The following ASPG variants were observed in gnomAD, a reference collection of about 807,000 sequenced individuals.
ASPG encodes the protein asparaginase.
A neutral mutation model predicts 63.2 loss-of-function variants in ASPG; 53 were observed. The ratio of observed to expected loss-of-function variants is 0.84; its 90% confidence interval spans 0.67 to 1.05. The LOEUF is 1.05. Among genes scored for constraint, ASPG ranks in the 50% least tolerant of loss-of-function variants. ASPG has a pLI of 0.00. For synonymous variants in ASPG, 370 were observed against 355.0 expected, an observed-to-expected ratio of 1.04 and a Z score of -0.48; for missense variants, 741 against 794.4, an observed-to-expected ratio of 0.93 and a Z score of 0.81.
intron 1 of ASPG, among the ~76,000 whole-genome samples, chr14:104,088,104 G>T (rs551714106): frequency 6.6e-6 from 1 of 152,196 alleles, no homozygotes; most frequent in Middle Eastern, 3.2e-3. Context: ...CCAACCCCTC[G>T]TGAGGTTGGA....
Position 104,110,508 on chromosome 14 carries a change from G to A in ASPG, c.1521-994G>A. The A allele has an allele frequency of 1.0e-6, 1 of 985,274 alleles. No individual in the cohort carries two copies. Among genetic ancestry groups the A allele is most frequent in the Non-Finnish European group, 1.2e-6 (1 of 829,844 alleles). 61.0% of individuals were successfully genotyped at this position (985,274 alleles called of 1,614,324 possible). A position where few individuals can be genotyped will look rare whatever the true frequency, so the allele number is the denominator to read the frequency against. On this transcript the variant is annotated intron_variant, in intron 13 of 15. Coordinates refer to ENST00000551177, the MANE Select transcript of ASPG (RefSeq NM_001080464.3). This position sits in a 1 kb window ranked among gnomAD's most constrained non-coding sequence, Gnocchi z 4.7. The stretch of plus-strand genomic sequence containing the variant: ...TGGTCCAGGACTCTGCTTGGAAGTG[G>A]CCTGGCCAGCCTGAGCTGCTGGCTG...
At position 104,114,285 on chromosome 14, in the gene ASPG, C is replaced by G. The variant is rs563321584; in HGVS notation, c.*1741C>G. ...AAACGCCCACTCATCCTGCTTGTCC[C>G]GCAGAGAGCATTTGTCAAGCTGGCC... On this transcript the variant is annotated 3_prime_UTR_variant, in exon 16 of 16. Transcript: ENST00000551177. 6.6e-6 allele frequency: 1 copy of G among 152,294 alleles called. No homozygotes were observed. Among genetic ancestry groups the G allele is most frequent in the Non-Finnish European group, 1.5e-5 (1 of 68,096 alleles). The allele number at this position is 152,294 out of a possible 1,614,324, so 9.4% of individuals were successfully genotyped here. A position where few individuals can be genotyped will look rare whatever the true frequency, so the allele number is the denominator to read the frequency against.
At chr14:104,106,678 GC>G (rs1451541102) in intron 10 of ASPG, 120 bp from the exon 11 acceptor site, 34 of 884,218 alleles carry the variant, frequency 3.8e-5, no homozygotes, top group Non-Finnish European at 5.9e-5. Flanking sequence ...TCTCACCCAC[GC>G]CCTGGGATCT....
intron 6 of ASPG, among the ~76,000 whole-genome samples, chr14:104,101,188 C>T (rs1744293): frequency 0.86 from 130,921 of 152,204 alleles, 56,607 homozygotes; most frequent in South Asian, 0.91. Context: ...TGCCGGGCTG[C>T]CGGGCCGGTT....
Position 104,098,069 on chromosome 14 carries a change from GGTTTTGC to G in ASPG, c.513+436_513+442del, listed in dbSNP as rs1193917250. On this transcript the variant is annotated intron_variant, in intron 5 of 15. Coordinates refer to ENST00000551177, the MANE Select transcript of ASPG (RefSeq NM_001080464.3). The stretch of plus-strand genomic sequence containing the variant: ...GTTTTGCGTTAGAGATGCGTATGGA[GGTTTTGC>G]GTTAGAGATGCGTATGGAGGTTCTG... Among the ~76,000 whole-genome samples the G allele has an allele frequency of 1.0e-3, 94 of 92,044 alleles. 12 individuals carry two copies. Among genetic ancestry groups the G allele is most frequent in the African/African-American group, 1.3e-3 (35 of 27,302 alleles). 60.4% of individuals were successfully genotyped at this position (92,044 alleles called of 152,430 possible).
In ASPG at chr14:104,111,574, C is replaced by T. The variant is rs993034487; in HGVS notation, c.1593C>T (p.Gly531=). 1.3e-6 allele frequency: 2 copies of T among 1,551,106 alleles called. No individual in the cohort carries two copies. The highest frequency in any genetic ancestry group is 2.7e-5 in the African/African-American group (2 of 73,058). ...CAGGGGCTGACCTGGGGCAGCCGGG[C>T]TATGACGGGCACAGCGCCCTGCACG... ...WQAGADLGQP[G]YDGHSALHVA... is the part of the protein sequence containing the mutation. Residue 531 remains glycine (G), a synonymous_variant, in exon 14 of 16, where the codon GGC becomes GGT. Transcript: ENST00000551177.
At chr14:104,088,163 C>G (rs769430427) in intron 1 of ASPG, among the ~76,000 whole-genome samples, 39 of 152,202 alleles carry the variant, frequency 2.6e-4, no homozygotes, top group Non-Finnish European at 4.3e-4. Flanking sequence ...ACACTGCTGA[C>G]GTGGGCTCTG....
chr14:104,094,964 C>A (rs1355933689), intron 3 of ASPG, among the ~76,000 whole-genome samples: 1 of 152,174 alleles, frequency 6.6e-6, no homozygotes, highest in South Asian at 2.1e-4. Flanking sequence ...CCCTGGCAGC[C>A]GCAGCCTGGG....
chr14:104,110,875 G>C lies in ASPG; in HGVS notation c.1521-627G>C. Reference sequence around the variant, plus strand: ...GAGGGTGGCAGGGTGAGGAGGAGCTGGTGAGGGCCTGGCAGGTGCTCCCCA... The same window carrying C: ...GAGGGTGGCAGGGTGAGGAGGAGCTCGTGAGGGCCTGGCAGGTGCTCCCCA... On this transcript the variant is annotated intron_variant, in intron 13 of 15. Transcript: ENST00000551177. This position sits in a 1 kb window ranked among gnomAD's most constrained non-coding sequence, Gnocchi z 4.7. 1.0e-6 allele frequency: 1 copy of C among 985,384 alleles called. No homozygotes were observed. The highest frequency in any genetic ancestry group is 1.2e-6 in the Non-Finnish European group (1 of 829,908). 61.0% of individuals were successfully genotyped at this position (985,384 alleles called of 1,614,324 possible).
chr14:104,106,884 T>G lies in ASPG; in HGVS notation c.1259T>G (p.Leu420Arg). 6.3e-7 allele frequency: 1 copy of G among 1,579,332 alleles called. No homozygotes were observed. The change falls in exon 11 of 16, where the codon CTT (leucine) becomes CGT (arginine). Residue 420 changes from leucine (L) to arginine (R), a missense_variant. Transcript: ENST00000551177. ...HAGDVEALQALVELGSDLGLV... is the reference protein window; with the variant it reads ...HAGDVEALQARVELGSDLGLV... ...GGTGACGTGGAGGCGCTGCAGGCGC[T>G]TGTGGAGCTGGTGAGCCTCCCCCAC...
chr14:104,110,998 T>C lies in ASPG; in HGVS notation c.1521-504T>C. On this transcript the variant is annotated intron_variant, in intron 13 of 15. Transcript: ENST00000551177. This position sits in a 1 kb window ranked among gnomAD's most constrained non-coding sequence, Gnocchi z 4.7. ...AACCGTTATCCTGGGTTGCCTCCTG[T>C]GTCCCCCTCTCTGAACCACTGGGCT... is the stretch of plus-strand genomic sequence containing the variant. 2 of 985,446 alleles carry C rather than the reference T, an allele frequency of 2.0e-6. No individual in the cohort carries two copies. The highest frequency in any genetic ancestry group is 2.4e-6 in the Non-Finnish European group (2 of 829,924). The allele number at this position is 985,446 out of a possible 1,614,324, so 61.0% of individuals were successfully genotyped here. A position where few individuals can be genotyped will look rare whatever the true frequency, so the allele number is the denominator to read the frequency against.
intron 13 of ASPG, chr14:104,111,230 C>A: frequency 1.0e-6 from 1 of 956,484 alleles, no homozygotes; most frequent in Non-Finnish European, 1.2e-6. Context: ...TACATGTATG[C>A]TGCTGTGTAT....
At position 104,102,439 on chromosome 14, in the gene ASPG, G is replaced by A. The variant is rs549332784; in HGVS notation, c.641-1124G>A. Among the ~76,000 whole-genome samples the A allele has an allele frequency of 3.3e-5, 5 of 152,266 alleles. No homozygotes were observed. In the South Asian group the frequency reaches 1.0e-3, roughly 32 times the overall value. ...AAGAGCCCTGTGCGGGGGTCCTCCT[G>A]CCCAGGTTCCTGTCCCAGCACCGTG... On this transcript the variant is annotated intron_variant, in intron 6 of 15. Transcript: ENST00000551177.
At chr14:104,094,952 T>G (rs1413615998) in intron 3 of ASPG, among the ~76,000 whole-genome samples, 1 of 152,126 alleles carries the variant, frequency 6.6e-6, no homozygotes, top group Non-Finnish European at 1.5e-5. Flanking sequence ...CTCGGAACGG[T>G]GCCCTGGCAG....
chr14:104,097,172 C>T (rs953314370), intron 4 of ASPG, among the ~76,000 whole-genome samples: 2 of 152,178 alleles, frequency 1.3e-5, no homozygotes, highest in African/African-American at 2.4e-5. Flanking sequence ...CCGGCTGGCC[C>T]CTGCTGCCAG....
Position 104,110,782 on chromosome 14 carries a change from G to A in ASPG, c.1521-720G>A, listed in dbSNP as rs559250281. Reference sequence around the variant, plus strand: ...CCCCTGCACACCATGGGTGGGTGGAGCCTTCCCTGCCGGGTCCCCACCTGG... The same window carrying A: ...CCCCTGCACACCATGGGTGGGTGGAACCTTCCCTGCCGGGTCCCCACCTGG... On this transcript the variant is annotated intron_variant, in intron 13 of 15. Coordinates refer to ENST00000551177, the MANE Select transcript of ASPG (RefSeq NM_001080464.3). The surrounding 1 kb of genome is among the most constrained non-coding windows in gnomAD (Gnocchi z 4.7). 1 of 985,294 alleles carries A rather than the reference G, an allele frequency of 1.0e-6. No individual in the cohort carries two copies. Among genetic ancestry groups the A allele is most frequent in the East Asian group, 1.1e-4 (1 of 8,806 alleles). 61.0% of individuals were successfully genotyped at this position (985,294 alleles called of 1,614,324 possible).
At chr14:104,099,726 C>T (rs1222373305) in intron 6 of ASPG, among the ~76,000 whole-genome samples, 1 of 152,222 alleles carries the variant, frequency 6.6e-6, no homozygotes, top group Non-Finnish European at 1.5e-5. Flanking sequence ...GGAGCATCCC[C>T]TCCCTCCTGG....
chr14:104,102,564 C>CT (rs945758631), intron 6 of ASPG, among the ~76,000 whole-genome samples: 6 of 152,324 alleles, frequency 3.9e-5, no homozygotes, highest in African/African-American at 1.4e-4. Flanking sequence ...CTGGGCAGCT[C>CT]TGACACCTCA....
intron 3 of ASPG, 125 bp from the exon 4 acceptor site, chr14:104,095,406 C>T: frequency 1.5e-6 from 2 of 1,359,564 alleles, no homozygotes; most frequent in South Asian, 2.7e-5. Context: ...ACTTCCAGGC[C>T]AGGGTCCCAC....
Sources: gnomAD v4.1 joint callset for allele counts (sites outside exome capture counted in the v4.1 genomes callset) on GRCh38, gnomAD v4.1.1 for gene constraint, Gnocchi (gnomAD v3.1) non-coding constraint, MANE v1.5 for transcripts, NCBI Gene and HGNC (gene_info 2026-07-23, HGNC 2026-07-21) for gene names.